ONECUT3: variants seen among roughly 807,000 people sequenced by gnomAD.
ONECUT3 encodes one cut domain family member 3.
ONECUT3 carries 11 observed loss-of-function variants against 16.8 expected under a neutral mutation model. The observed-to-expected ratio is 0.66, with a 90% CI of 0.41 to 1.09. The LOEUF is 1.09. Ranked by LOEUF, ONECUT3 falls within the 50% of genes least tolerant of loss-of-function variation. The probability of loss-of-function intolerance (pLI) is 0.00; values close to 1 mark genes in which losing one functional copy is unlikely to be tolerated. For synonymous variants in ONECUT3, 344 were observed against 310.7 expected (o/e 1.11, Z -1.13); for missense variants, 637 against 629.9 (o/e 1.01, Z -0.12).
Position 1,762,212 on chromosome 19 carries a change from C to T in ONECUT3, c.1192+7358C>T, listed in dbSNP as rs965238849. On this transcript the variant is annotated intron_variant, in intron 1 of 1. Transcript: ENST00000382349. This position sits in a 1 kb window ranked among gnomAD's most constrained non-coding sequence, Gnocchi z 4.4. ...CTCGTGCTGGCTGCTGGGGGTCCTG[C>T]GTGCCTTCCGCGCGCCCCCAGCTGC... is the stretch of plus-strand genomic sequence containing the variant. Among the ~76,000 whole-genome samples the T allele has an allele frequency of 6.6e-6, 1 of 152,210 alleles. No individual in the cohort carries two copies. The highest frequency in any genetic ancestry group is 2.4e-5 in the African/African-American group (1 of 41,460).
At position 1,755,361 on chromosome 19, in the gene ONECUT3, T is replaced by C. The variant is rs1376512297; in HGVS notation, c.1192+507T>C. ...AGACGTTGCGGCGGGCGCCTGCAGC[T>C]CAGCAGCAGAGGCCGAGCCCGCGCT... On this transcript the variant is annotated intron_variant, in intron 1 of 1. Transcript: ENST00000382349. This position sits in a 1 kb window ranked among gnomAD's most constrained non-coding sequence, Gnocchi z 7.5. Among the ~76,000 whole-genome samples the C allele has an allele frequency of 6.6e-6, 1 of 151,440 alleles. No individual in the cohort carries two copies. Among genetic ancestry groups the C allele is most frequent in the Non-Finnish European group, 1.5e-5 (1 of 67,852 alleles).
intron 1 of ONECUT3, among the ~76,000 whole-genome samples, chr19:1,774,889 T>C (rs1175640315): frequency 2.7e-5 from 4 of 150,840 alleles, no homozygotes; most frequent in Non-Finnish European, 5.9e-5. Context: ...TGGACTTTCC[T>C]GTTGTCTCCC....
rs896559697 is a variant in ONECUT3, at chr19:1,758,724, C to A, written c.1192+3870C>A. On this transcript the variant is annotated intron_variant, in intron 1 of 1. Coordinates refer to ENST00000382349, the MANE Select transcript of ONECUT3 (RefSeq NM_001080488.2). The surrounding 1 kb of genome is among the most constrained non-coding windows in gnomAD (Gnocchi z 5.9). ...GGAGCTGCCTCCTGGTCAAAGCTCTCCCCTGGCGCCGTCTCCAACAGTAAT... is the reference window on the plus strand; with the variant it reads ...GGAGCTGCCTCCTGGTCAAAGCTCTACCCTGGCGCCGTCTCCAACAGTAAT... Among the ~76,000 whole-genome samples, 15 of 151,750 alleles carry A rather than the reference C, an allele frequency of 9.9e-5. No individual in the cohort carries two copies. The highest frequency in any genetic ancestry group is 3.4e-3 in the Middle Eastern group (1 of 292).
rs891077203 is a variant in ONECUT3 at position 1,779,436 on chromosome 19, A to T, written c.*3991A>T. 1 of 151,808 alleles carries T rather than the reference A, an allele frequency of 6.6e-6. No individual in the cohort carries two copies. The highest frequency in any genetic ancestry group is 1.5e-5 in the Non-Finnish European group (1 of 67,936). 9.4% of individuals were successfully genotyped at this position (151,808 alleles called of 1,614,324 possible). On this transcript the variant is annotated 3_prime_UTR_variant, in exon 2 of 2. Transcript: ENST00000382349. ...GAGCGCAAGAGAGAGAGAGAGGGAG[A>T]GAGAGGGAGAGGGAGAGAGAGAGGC...
intron 1 of ONECUT3, among the ~76,000 whole-genome samples, chr19:1,757,914 G>C (rs999300908): frequency 6.6e-6 from 1 of 152,098 alleles, no homozygotes; most frequent in Admixed American, 6.5e-5. Context: ...CAGAGGACTC[G>C]CCGCCCTTTC....
At position 1,762,446 on chromosome 19, in the gene ONECUT3, C is replaced by T. The variant is rs1015670706; in HGVS notation, c.1192+7592C>T. 2.0e-5 allele frequency among the ~76,000 whole-genome samples: 3 copies of T among 152,390 alleles called. No homozygotes were observed. The highest frequency in any genetic ancestry group is 2.0e-4 in the Admixed American group (3 of 15,312). ...CCAAGCGCCCTTTCCCGTCCAAGGA[C>T]CTGCTGGGGGGATGACTGTGCCTCA... On this transcript the variant is annotated intron_variant, in intron 1 of 1. Coordinates refer to ENST00000382349, the MANE Select transcript of ONECUT3 (RefSeq NM_001080488.2). The surrounding 1 kb of genome is among the most constrained non-coding windows in gnomAD (Gnocchi z 4.4).
chr19:1,775,093 C>T (rs1163635520), intron 1 of ONECUT3, 60 bp from the exon 2 acceptor site: 7 of 1,209,306 alleles, frequency 5.8e-6, no homozygotes, highest in East Asian at 5.7e-5. Context: ...TGCCTCTCCC[C>T]GGCCGGCCAC....
intron 1 of ONECUT3, among the ~76,000 whole-genome samples, chr19:1,771,089 T>C (rs138026167): frequency 3.9e-5 from 6 of 152,326 alleles, no homozygotes; most frequent in African/African-American, 9.6e-5. Flanking sequence ...CAGGAGTTGA[T>C]AGCTGCCAAA....
rs2068134832 is a variant in ONECUT3 at position 1,778,972 on chromosome 19, C to T, written c.*3527C>T. 3 of 152,290 alleles carry T rather than the reference C, an allele frequency of 2.0e-5. No individual in the cohort carries two copies. Among genetic ancestry groups the T allele is most frequent in the Non-Finnish European group, 2.9e-5 (2 of 68,302 alleles). The allele number at this position is 152,290 out of a possible 1,614,324, so 9.4% of individuals were successfully genotyped here. On this transcript the variant is annotated 3_prime_UTR_variant, in exon 2 of 2. Transcript: ENST00000382349. ...GCCAGACCCCCACAGAAGGCTCTAT[C>T]CCCGACCTGCCCGCCGGCCCCTCAG... is the stretch of plus-strand genomic sequence containing the variant.
In ONECUT3 at chr19:1,764,163, C is replaced by T. The variant is rs1276880753; in HGVS notation, c.1192+9309C>T. 6.6e-6 allele frequency among the ~76,000 whole-genome samples: 1 copy of T among 152,138 alleles called. No individual in the cohort carries two copies. The highest frequency in any genetic ancestry group is 1.5e-5 in the Non-Finnish European group (1 of 68,048). On this transcript the variant is annotated intron_variant, in intron 1 of 1. Coordinates refer to ENST00000382349, the MANE Select transcript of ONECUT3 (RefSeq NM_001080488.2). The surrounding 1 kb of genome is among the most constrained non-coding windows in gnomAD (Gnocchi z 5.0). ...TTTTTTTAAAAATCAACGCCTTGTG[C>T]GTGCGTGTGTTTGCCCACTGGCTTT...
intron 1 of ONECUT3, among the ~76,000 whole-genome samples, chr19:1,765,805 C>T (rs1175607657): frequency 6.6e-6 from 1 of 152,220 alleles, no homozygotes; most frequent in African/African-American, 2.4e-5. Context: ...CCCGCGTCCC[C>T]ATGGCTGCAG....
chr19:1,770,248 T>C (rs527805251), intron 1 of ONECUT3, among the ~76,000 whole-genome samples: 18 of 152,162 alleles, frequency 1.2e-4, no homozygotes, highest in African/African-American at 4.3e-4. Flanking sequence ...AAAAAACATA[T>C]ATATATGTTT....
At chr19:1,767,056 A>G (rs1273606647) in intron 1 of ONECUT3, among the ~76,000 whole-genome samples, 1 of 152,010 alleles carries the variant, frequency 6.6e-6, no homozygotes, top group Non-Finnish European at 1.5e-5. Context: ...AGGAATGTGT[A>G]GGAGTTCTCT....
At position 1,775,173 on chromosome 19, in the gene ONECUT3, GAGC is replaced by G; in HGVS notation, c.1219_1221del (p.Gln407del). 1 of 1,429,480 alleles carries G rather than the reference GAGC, an allele frequency of 7.0e-7. No homozygotes were observed. The highest frequency in any genetic ancestry group is 9.3e-7 in the Non-Finnish European group (1 of 1,070,094). The allele number at this position is 1,429,480 out of a possible 1,614,324, so 88.5% of individuals were successfully genotyped here. ...CGCAGCCTGCAAGCGCAAGGAACAG[GAGC>G]AGCAGAAGGAGCGCGCCCTGCAGCC... On this transcript the variant is annotated inframe_deletion, in exon 2 of 2. Transcript: ENST00000382349.
At chr19:1,768,239 G>C (rs923831408) in intron 1 of ONECUT3, among the ~76,000 whole-genome samples, 1 of 151,458 alleles carries the variant, frequency 6.6e-6, no homozygotes, top group Non-Finnish European at 1.5e-5. Flanking sequence ...GGGTAGCCTC[G>C]CAGGGAAGGA....
Position 1,758,793 on chromosome 19 carries a change from G to C in ONECUT3, c.1192+3939G>C, listed in dbSNP as rs1311840485. On this transcript the variant is annotated intron_variant, in intron 1 of 1. Transcript: ENST00000382349. The surrounding 1 kb of genome is among the most constrained non-coding windows in gnomAD (Gnocchi z 5.9). ...GGAGGGGCGGGCGGGCTCCTCGGCG[G>C]GGGTGGGGGCGGTCGATGAATTCGA... Among the ~76,000 whole-genome samples, 1 of 152,172 alleles carries C rather than the reference G, an allele frequency of 6.6e-6. No homozygotes were observed. Among genetic ancestry groups the C allele is most frequent in the Non-Finnish European group, 1.5e-5 (1 of 68,022 alleles).
In ONECUT3 at chr19:1,758,853, G is replaced by A. The variant is rs1216955465; in HGVS notation, c.1192+3999G>A. Among the ~76,000 whole-genome samples, 1 of 152,218 alleles carries A rather than the reference G, an allele frequency of 6.6e-6. No individual in the cohort carries two copies. The highest frequency in any genetic ancestry group is 1.5e-5 in the Non-Finnish European group (1 of 68,042). ...TCTAATTCATCACCGTCGCCGGGTC[G>A]ATAGCTTCGGCCGTCTTCAAATATT... On this transcript the variant is annotated intron_variant, in intron 1 of 1. Transcript: ENST00000382349. The surrounding 1 kb of genome is among the most constrained non-coding windows in gnomAD (Gnocchi z 5.9).
At chr19:1,763,778 G>C (rs1428776436) in intron 1 of ONECUT3, among the ~76,000 whole-genome samples, 2 of 147,314 alleles carry the variant, frequency 1.4e-5, no homozygotes, top group Non-Finnish European at 3.0e-5. Flanking sequence ...GATGCTCCGA[G>C]ATTCTTCCCC....
Position 1,776,445 on chromosome 19 carries a change from C to G in ONECUT3, c.*1000C>G, listed in dbSNP as rs1054298336. The G allele has an allele frequency of 1.3e-5, 2 of 152,268 alleles. No homozygotes were observed. The highest frequency in any genetic ancestry group is 3.1e-3 in the Middle Eastern group (1 of 318). The allele number at this position is 152,268 out of a possible 1,614,324, so 9.4% of individuals were successfully genotyped here. A position where few individuals can be genotyped will look rare whatever the true frequency, so the allele number is the denominator to read the frequency against. ...GAACCTTCTGGAATCCACCGCCCCC[C>G]TTTCCGCCCGCGTCAGGGTCTGAAC... On this transcript the variant is annotated 3_prime_UTR_variant, in exon 2 of 2. Transcript: ENST00000382349. This position sits in a 1 kb window ranked among gnomAD's most constrained non-coding sequence, Gnocchi z 4.9.
Sources: gnomAD v4.1 joint callset for allele counts (sites outside exome capture counted in the v4.1 genomes callset) on GRCh38, gnomAD v4.1.1 for gene constraint, Gnocchi (gnomAD v3.1) non-coding constraint, MANE v1.5 for transcripts, NCBI Gene and HGNC (gene_info 2026-07-23, HGNC 2026-07-21) for gene names.